CTNNA3: variants seen among roughly 807,000 people sequenced by gnomAD.
The protein encoded by CTNNA3 is catenin alpha-3.
Under a neutral mutation model 95.7 loss-of-function variants are expected in CTNNA3, and 76 were observed. The observed-to-expected ratio is 0.79, with a 90% confidence interval of 0.66 to 0.96. The LOEUF is 0.96. Among genes scored for constraint, CTNNA3 ranks in the 40% least tolerant of loss-of-function variants. The pLI is 0.00. For synonymous variants in CTNNA3, 431 were observed against 374.4 expected, an observed-to-expected ratio of 1.15 and a Z score of -1.74; for missense variants, 1,191 against 1,089.8, an observed-to-expected ratio of 1.09 and a Z score of -1.31.
chr10:66,228,820 C>T (rs1441313784), intron 13 of CTNNA3, among the ~76,000 whole-genome samples: 1 of 152,026 alleles, frequency 6.6e-6, no homozygotes, highest in Non-Finnish European at 1.5e-5. Flanking sequence ...TATCTGTGTG[C>T]TCTGGTGTTG....
intron 7 of CTNNA3, among the ~76,000 whole-genome samples, chr10:66,830,327 T>C (rs1281676276): frequency 6.6e-6 from 1 of 152,192 alleles, no homozygotes; most frequent in Non-Finnish European, 1.5e-5. Context: ...AAAACAGTAT[T>C]AAGATATTTA....
chr10:67,469,729 G>A (rs1249341765), intron 5 of CTNNA3, among the ~76,000 whole-genome samples: 1 of 151,854 alleles, frequency 6.6e-6, no homozygotes, highest in Non-Finnish European at 1.5e-5. Flanking sequence ...TGCACATTCT[G>A]CACATGTACC....
chr10:66,094,138 A>T (rs923328954), intron 14 of CTNNA3, among the ~76,000 whole-genome samples: 3 of 152,140 alleles, frequency 2.0e-5, no homozygotes, highest in African/African-American at 7.2e-5. Context: ...TGGAATCCTA[A>T]TGATGAGCAG....
At chr10:67,275,383 T>C (rs1156844316) in intron 5 of CTNNA3, among the ~76,000 whole-genome samples, 1 of 152,108 alleles carries the variant, frequency 6.6e-6, no homozygotes, top group Non-Finnish European at 1.5e-5. Flanking sequence ...GAAAATGTCT[T>C]TATGTAAATT....
intron 7 of CTNNA3, among the ~76,000 whole-genome samples, chr10:66,825,758 C>T (rs1256849530): frequency 6.6e-6 from 1 of 152,072 alleles, no homozygotes; most frequent in Non-Finnish European, 1.5e-5. Flanking sequence ...TCAAAGAAGT[C>T]ATCTCACTGT....
intron 13 of CTNNA3, among the ~76,000 whole-genome samples, chr10:66,141,136 G>A (rs2083595448): frequency 6.6e-6 from 1 of 151,956 alleles, no homozygotes. Context: ...GTGCATGCCT[G>A]TAATCCCAGC....
chr10:66,443,006 T>C (rs1160618915), intron 11 of CTNNA3, among the ~76,000 whole-genome samples: 2 of 152,150 alleles, frequency 1.3e-5, no homozygotes, highest in Non-Finnish European at 2.9e-5. Context: ...ACCAGGAGAT[T>C]ATATCCCGCA....
intron 5 of CTNNA3, among the ~76,000 whole-genome samples, chr10:67,282,609 T>C (rs1196687306): frequency 6.6e-6 from 1 of 152,200 alleles, no homozygotes; most frequent in Non-Finnish European, 1.5e-5. Flanking sequence ...TTAAACATTA[T>C]AAAGCAATAA....
intron 17 of CTNNA3, among the ~76,000 whole-genome samples, chr10:65,938,022 A>G (rs1280221921): frequency 6.6e-6 from 1 of 152,128 alleles, no homozygotes; most frequent in Non-Finnish European, 1.5e-5. Context: ...GTTGTCTTTG[A>G]TAAGAACTAA....
At chr10:67,134,472 G>A (rs1473279074) in intron 7 of CTNNA3, among the ~76,000 whole-genome samples, 2 of 152,114 alleles carry the variant, frequency 1.3e-5, no homozygotes, top group Non-Finnish European at 2.9e-5. Flanking sequence ...ATGGATGCTA[G>A]AGATTTTATG....
intron 5 of CTNNA3, among the ~76,000 whole-genome samples, chr10:67,438,928 T>A (rs533939555): frequency 6.6e-6 from 1 of 152,264 alleles, no homozygotes; most frequent in East Asian, 1.9e-4. Context: ...TTGACAAACA[T>A]CACCACTGCG....
At chr10:67,240,259 G>A (rs954309168) in intron 5 of CTNNA3, among the ~76,000 whole-genome samples, 4 of 152,208 alleles carry the variant, frequency 2.6e-5, no homozygotes, top group Admixed American at 2.6e-4. Context: ...ATTATGGGTT[G>A]GCTTCTGTCT....
chr10:67,036,677 A>C (rs1013751018), intron 7 of CTNNA3, among the ~76,000 whole-genome samples: 1 of 152,074 alleles, frequency 6.6e-6, no homozygotes. Flanking sequence ...TATTTTTAAG[A>C]GTATACTTTT....
chr10:66,953,359 C>T (rs930042857), intron 7 of CTNNA3, among the ~76,000 whole-genome samples: 3 of 152,206 alleles, frequency 2.0e-5, no homozygotes, highest in Non-Finnish European at 4.4e-5. Flanking sequence ...TAAATGCTCA[C>T]TGCCGGTTGT....
At chr10:66,822,561 G>A (rs1842340333) in intron 7 of CTNNA3, among the ~76,000 whole-genome samples, 1 of 152,090 alleles carries the variant, frequency 6.6e-6, no homozygotes. Context: ...CCACTTATGT[G>A]TCCTAGAATT....
chr10:66,296,147 C>A (rs2091773781), intron 12 of CTNNA3, among the ~76,000 whole-genome samples: 1 of 152,058 alleles, frequency 6.6e-6, no homozygotes, highest in South Asian at 2.1e-4. Context: ...AATTCCAAAT[C>A]CACTGAGAGT....
intron 3 of CTNNA3, among the ~76,000 whole-genome samples, chr10:67,585,308 T>C: frequency 6.6e-6 from 1 of 152,192 alleles, no homozygotes; most frequent in Non-Finnish European, 1.5e-5. Flanking sequence ...TTCTTTTATA[T>C]GTGTCACCTC....
chr10:67,022,542 T>C (rs1342673066), intron 7 of CTNNA3, among the ~76,000 whole-genome samples: 3 of 152,176 alleles, frequency 2.0e-5, no homozygotes, highest in African/African-American at 4.8e-5. Flanking sequence ...ATTTTAACTA[T>C]GCCTTCAAAA....
intron 12 of CTNNA3, among the ~76,000 whole-genome samples, chr10:66,329,606 A>ACTAT (rs1314427162): frequency 1.3e-5 from 2 of 151,834 alleles, no homozygotes; most frequent in African/African-American, 4.8e-5. Context: ...CTACAAAAGT[A>ACTAT]CTATCGTATG....
Sources: gnomAD v4.1 joint callset for allele counts (sites outside exome capture counted in the v4.1 genomes callset) on GRCh38, gnomAD v4.1.1 for gene constraint, MANE v1.5 for transcripts, NCBI Gene and HGNC (gene_info 2026-07-23, HGNC 2026-07-21) for gene names.